The following TRIM67 variants were observed in gnomAD, a reference collection of about 807,000 sequenced individuals.
TRIM67 encodes tripartite motif containing 67, also known as tripartite motif-containing protein 67.
A neutral mutation model predicts 71.0 loss-of-function variants in TRIM67; 39 were observed. The observed-to-expected ratio is 0.55, with a 90% CI of 0.43 to 0.72. TRIM67 has a LOEUF of 0.72. Among genes scored for constraint, TRIM67 ranks in the 30% least tolerant of loss-of-function variants. The pLI is 0.00. For missense variants in TRIM67, 973 were observed against 1,079.2 expected (o/e 0.90, Z 1.38); for synonymous variants, 481 against 473.9 (o/e 1.01, Z -0.19).
rs546409220 is a variant in TRIM67 at position 231,201,882 on chromosome 1, A to G, written c.1534+365A>G. ...TCTACCAACTCACAAGATTGGGCTTACGCTCTCGAGAAGGAAATAGACACT... is the reference window on the plus strand; with the variant it reads ...TCTACCAACTCACAAGATTGGGCTTGCGCTCTCGAGAAGGAAATAGACACT... On this transcript the variant is annotated intron_variant, in intron 5 of 9. Transcript: ENST00000366653. Among the ~76,000 whole-genome samples, 5 of 152,376 alleles carry G rather than the reference A, an allele frequency of 3.3e-5. No individual in the cohort carries two copies. In the East Asian group the frequency reaches 9.6e-4, roughly 29 times the overall value.
intron 1 of TRIM67, among the ~76,000 whole-genome samples, chr1:231,166,664 G>T (rs115461650): frequency 0.024 from 3,676 of 152,304 alleles, 75 homozygotes; most frequent in African/African-American, 0.045. Flanking sequence ...CATCATCAAA[G>T]CCTTGCTTTA....
In TRIM67 at chr1:231,201,407, T is replaced by G. The variant is rs1202110000; in HGVS notation, c.1424T>G (p.Val475Gly). Reference protein sequence around the residue: ...KRVQVSQEQWVKGALEPKVSA... With the variant: ...KRVQVSQEQWGKGALEPKVSA... ...GTCCAGGTGTCTCAGGAGCAGTGGG[T>G]CAAAGGCGCCCTGGAGCCGAAAGTG... is the stretch of plus-strand genomic sequence containing the variant. The change falls in exon 5 of 10, where the codon GTC becomes GGC. Residue 475 changes from valine (V) to glycine (G), a missense_variant. Physicochemically the swap from Val to Gly is moderately radical, Grantham distance 109. Transcript: ENST00000366653. 6.2e-7 allele frequency: 1 copy of G among 1,613,456 alleles called. No homozygotes were observed. The highest frequency in any genetic ancestry group is 1.7e-5 in the Admixed American group (1 of 59,912).
rs375444663 is a variant in TRIM67, at chr1:231,219,174, C to T, written c.*3734C>T. On this transcript the variant is annotated 3_prime_UTR_variant, in exon 10 of 10. Coordinates refer to ENST00000366653, the MANE Select transcript of TRIM67 (RefSeq NM_001004342.5). ...CACTGCTGCACAGCCCGTGGGGTGG[C>T]GCCAGGGTTTCTCAACCTCTACTGA... The T allele has an allele frequency of 2.1e-5, 21 of 985,412 alleles. No homozygotes were observed. Among genetic ancestry groups the T allele is most frequent in the African/African-American group, 1.4e-4 (8 of 57,290 alleles). The allele number at this position is 985,412 out of a possible 1,614,324, so 61.0% of individuals were successfully genotyped here.
Position 231,219,025 on chromosome 1 carries a change from G to A in TRIM67, c.*3585G>A, listed in dbSNP as rs986843367. The stretch of plus-strand genomic sequence containing the variant: ...TGGTCCCCCTGGGAAGGCGGGTTTC[G>A]GCACCGGTGGGCAGGTGGTTCAGTG... On this transcript the variant is annotated 3_prime_UTR_variant, in exon 10 of 10. Coordinates refer to ENST00000366653, the MANE Select transcript of TRIM67 (RefSeq NM_001004342.5). The A allele has an allele frequency of 4.6e-5, 45 of 985,354 alleles. No homozygotes were observed. Among genetic ancestry groups the A allele is most frequent in the African/African-American group, 3.3e-4 (19 of 57,238 alleles). The allele number at this position is 985,354 out of a possible 1,614,324, so 61.0% of individuals were successfully genotyped here.
chr1:231,167,317 G>GTTTTTTTTTTTTTTTTTTTTTTTTT (rs1340006817), intron 1 of TRIM67, among the ~76,000 whole-genome samples: 1 of 66,772 alleles, frequency 1.5e-5, no homozygotes, highest in Non-Finnish European at 2.9e-5. Flanking sequence ...TCACTCTAAT[G>GTTTTTTTTTTTTTTTTTTTTTTTTT]TCTTTTTTTT....
rs576460269 is a variant in TRIM67 at position 231,215,803 on chromosome 1, G to C, written c.*363G>C. The C allele has an allele frequency of 6.7e-6, 7 of 1,044,100 alleles. No homozygotes were observed. The highest frequency in any genetic ancestry group is 8.1e-6 in the Non-Finnish European group (7 of 868,678). 64.7% of individuals were successfully genotyped at this position (1,044,100 alleles called of 1,614,324 possible). A position where few individuals can be genotyped will look rare whatever the true frequency, so the allele number is the denominator to read the frequency against. ...CTTTTTTTGGAGGGAGAGGAAGGTAGACTTTGAGACTGGCCTCCTGAGAGC... is the reference window on the plus strand; with the variant it reads ...CTTTTTTTGGAGGGAGAGGAAGGTACACTTTGAGACTGGCCTCCTGAGAGC... On this transcript the variant is annotated 3_prime_UTR_variant, in exon 10 of 10. Coordinates refer to ENST00000366653, the MANE Select transcript of TRIM67 (RefSeq NM_001004342.5).
At position 231,186,313 on chromosome 1, in the gene TRIM67, G is replaced by T. The variant is rs1372912289; in HGVS notation, c.1045-11058G>T. 5.7e-6 allele frequency: 4 copies of T among 697,372 alleles called. No homozygotes were observed. The East Asian group carries it at 1.1e-4, about 19-fold the overall frequency. 43.2% of individuals were successfully genotyped at this position (697,372 alleles called of 1,614,324 possible). On this transcript the variant is annotated intron_variant, in intron 1 of 9. Transcript: ENST00000366653. ...AACAGGACAAATCGGGCCTGACCTG[G>T]ATTCCTGGTTTCAGCAGCGCATCCG...
rs1172684727 is a variant in TRIM67 at position 231,216,644 on chromosome 1, A to G, written c.*1204A>G. 2.0e-6 allele frequency: 2 copies of G among 985,560 alleles called. No homozygotes were observed. Among genetic ancestry groups the G allele is most frequent in the Non-Finnish European group, 2.4e-6 (2 of 830,000 alleles). 61.1% of individuals were successfully genotyped at this position (985,560 alleles called of 1,614,324 possible). ...AGTGGGCGGGATCTCTGGGGAAGGC[A>G]GGAAATAGAAGGGCAGTATCAGGTA... On this transcript the variant is annotated 3_prime_UTR_variant, in exon 10 of 10. Transcript: ENST00000366653.
At chr1:231,185,269 C>A in intron 1 of TRIM67, 1 of 1,498,096 alleles carries the variant, frequency 6.7e-7, no homozygotes, top group Non-Finnish European at 9.0e-7. Context: ...CACCCCTGGA[C>A]CAGCTCTCCC....
At chr1:231,210,657 G>A (rs1683841052) in intron 8 of TRIM67, among the ~76,000 whole-genome samples, 1 of 151,732 alleles carries the variant, frequency 6.6e-6, no homozygotes, top group Non-Finnish European at 1.5e-5. Context: ...ACCCTTACTT[G>A]TGCTCAATGC....
At chr1:231,215,001 T>C (rs1683976080) in intron 9 of TRIM67, among the ~76,000 whole-genome samples, 1 of 151,950 alleles carries the variant, frequency 6.6e-6, no homozygotes, top group African/African-American at 2.4e-5. Flanking sequence ...TCACAGTTAA[T>C]AGAATGGGTT....
chr1:231,215,050 C>T (rs1325715343), intron 9 of TRIM67, among the ~76,000 whole-genome samples: 1 of 152,302 alleles, frequency 6.6e-6, no homozygotes, highest in East Asian at 1.9e-4. Flanking sequence ...AGAAAGTAGA[C>T]ACAAATATGT....
intron 8 of TRIM67, among the ~76,000 whole-genome samples, chr1:231,211,998 C>T (rs1683885451): frequency 2.0e-5 from 3 of 152,270 alleles, no homozygotes; most frequent in South Asian, 2.1e-4. Flanking sequence ...CACTTTGAGA[C>T]GAATTAAGAG....
intron 5 of TRIM67, among the ~76,000 whole-genome samples, chr1:231,202,156 AG>A: frequency 4.0e-4 from 1 of 2,520 alleles, no homozygotes; most frequent in African/African-American, 8.8e-4. Context: ...GAGGTAGCGG[AG>A]GAGGAGGTAG....
At chr1:231,201,970 G>C (rs1242971544) in intron 5 of TRIM67, among the ~76,000 whole-genome samples, 3 of 31,154 alleles carry the variant, frequency 9.6e-5, no homozygotes, top group Non-Finnish European at 2.0e-4. Context: ...CAGAGGAAGG[G>C]CCAGCAGTAG....
chr1:231,215,150 T>G (rs1683979555), intron 9 of TRIM67, among the ~76,000 whole-genome samples: 2 of 152,158 alleles, frequency 1.3e-5, no homozygotes, highest in African/African-American at 2.4e-5. Context: ...GAGGAACCAG[T>G]CAGCTGGGTG....
chr1:231,219,102 A>G lies in TRIM67; in HGVS notation c.*3662A>G. 5.1e-6 allele frequency: 5 copies of G among 985,496 alleles called. No homozygotes were observed. Among genetic ancestry groups the G allele is most frequent in the Non-Finnish European group, 6.0e-6 (5 of 830,030 alleles). 61.0% of individuals were successfully genotyped at this position (985,496 alleles called of 1,614,324 possible). ...GCCACCTGCTGGCTTTGAGGTAGTG[A>G]GGGAGGGTCAATCCTTAGGGGGAGT... On this transcript the variant is annotated 3_prime_UTR_variant, in exon 10 of 10. Coordinates refer to ENST00000366653, the MANE Select transcript of TRIM67 (RefSeq NM_001004342.5).
Position 231,218,329 on chromosome 1 carries a change from G to C in TRIM67, c.*2889G>C. On this transcript the variant is annotated 3_prime_UTR_variant, in exon 10 of 10. Transcript: ENST00000366653. ...TGTTGGGCTGGCTGAGGAGTAACTTGGTGTAAATCTATCAAGCAGTTTCAG... is the reference window on the plus strand; with the variant it reads ...TGTTGGGCTGGCTGAGGAGTAACTTCGTGTAAATCTATCAAGCAGTTTCAG... 3.0e-6 allele frequency: 3 copies of C among 986,468 alleles called. No individual in the cohort carries two copies. Among genetic ancestry groups the C allele is most frequent in the Non-Finnish European group, 3.6e-6 (3 of 830,656 alleles). The allele number at this position is 986,468 out of a possible 1,614,324, so 61.1% of individuals were successfully genotyped here. A position where few individuals can be genotyped will look rare whatever the true frequency, so the allele number is the denominator to read the frequency against.
rs1024055454 is a variant in TRIM67, at chr1:231,215,690, C to G, written c.*250C>G. 1 of 1,248,828 alleles carries G rather than the reference C, an allele frequency of 8.0e-7. No homozygotes were observed. Among genetic ancestry groups the G allele is most frequent in the Non-Finnish European group, 1.0e-6 (1 of 995,768 alleles). 77.4% of individuals were successfully genotyped at this position (1,248,828 alleles called of 1,614,324 possible). Reference sequence around the variant, plus strand: ...TCACCCTTATTCCACCCAGACATTACGAACACTCCCCAAGAAGGACCTTTC... The same window carrying G: ...TCACCCTTATTCCACCCAGACATTAGGAACACTCCCCAAGAAGGACCTTTC... On this transcript the variant is annotated 3_prime_UTR_variant, in exon 10 of 10. Transcript: ENST00000366653.
Sources: allele counts gnomAD v4.1 joint callset (sites outside exome capture counted in the v4.1 genomes callset), GRCh38; gene constraint gnomAD v4.1.1; transcripts MANE v1.5; gene names NCBI Gene and HGNC (gene_info 2026-07-23, HGNC 2026-07-21).